PROM1: variants seen among roughly 807,000 people sequenced by gnomAD.
PROM1 encodes prominin 1.
A neutral mutation model predicts 116.9 loss-of-function variants in PROM1; 105 were observed. That is an observed-to-expected ratio of 0.90 (90% CI 0.77 to 1.06). The LOEUF (loss-of-function observed/expected upper bound fraction) is 1.06, where lower values mean the gene tolerates loss of function less well. Among genes scored for constraint, PROM1 ranks in the 50% least tolerant of loss-of-function variants. PROM1 has a pLI of 0.00. For missense variants in PROM1, 1,122 were observed against 1,045.2 expected (o/e 1.07, Z -1.01); for synonymous variants, 393 against 387.0 (o/e 1.02, Z -0.18).
At position 16,009,072 on chromosome 4, in the gene PROM1, A is replaced by C. The variant is rs773039992; in HGVS notation, c.1178T>G (p.Ile393Ser). 79 of 1,612,618 alleles carry C rather than the reference A, an allele frequency of 4.9e-5. 3 individuals are homozygous for C. In the South Asian group the frequency reaches 8.6e-4, roughly 17 times the overall value. ...KRVLNSIGSD[I>S]DNVTQRLPIQ... is the part of the protein sequence containing the mutation. ...AGGAAGACGCTGAGTTACATTGTCG[A>C]TATCTGAACCAATGGAATTCAAGAC... Residue 393 changes from isoleucine to serine, a missense_variant, in exon 12 of 28, where the codon ATC becomes AGC. Ile to Ser is a moderately radical substitution (Grantham distance 142). Transcript: ENST00000447510.
chr4:16,069,994 G>C (rs1742441750), intron 2 of PROM1, among the ~76,000 whole-genome samples: 2 of 152,190 alleles, frequency 1.3e-5, no homozygotes, highest in Non-Finnish European at 2.9e-5. Flanking sequence ...ATGCGATTGG[G>C]TAAGACTCAG....
At chr4:15,990,329 G>A (rs900386851) in intron 18 of PROM1, among the ~76,000 whole-genome samples, 7 of 152,168 alleles carry the variant, frequency 4.6e-5, no homozygotes, top group African/African-American at 1.2e-4. Flanking sequence ...CAGGTTCCTC[G>A]TCACCATGGC....
intron 2 of PROM1, among the ~76,000 whole-genome samples, chr4:16,042,620 TG>T (rs1343054669): frequency 1.3e-5 from 2 of 152,158 alleles, no homozygotes; most frequent in Non-Finnish European, 2.9e-5. Context: ...ATAAATACAG[TG>T]GAAGACAGAC....
In PROM1 at chr4:16,039,397, C is replaced by G. The variant is rs540406559; in HGVS notation, c.221-396G>C. Among the ~76,000 whole-genome samples, 309 of 152,284 alleles carry G rather than the reference C, an allele frequency of 2.0e-3. 2 individuals are homozygous for G. Among genetic ancestry groups the G allele is most frequent in the South Asian group, 4.1e-3 (20 of 4,820 alleles). On this transcript the variant is annotated intron_variant, in intron 2 of 27. Coordinates refer to ENST00000447510, the MANE Select transcript of PROM1 (RefSeq NM_006017.3). The stretch of plus-strand genomic sequence containing the variant: ...TTATTGTTCAATAATTCCACATTTG[C>G]CTGATATTAATATTTTACAAAGGAA...
chr4:15,971,929 C>T (rs1028317667), intron 26 of PROM1: 7 of 152,196 alleles, frequency 4.6e-5, no homozygotes, highest in Middle Eastern at 3.2e-3. Context: ...GAAACAAACT[C>T]TTTATCGAAA....
At position 15,985,841 on chromosome 4, in the gene PROM1, A is replaced by G. The variant is rs1358840738; in HGVS notation, c.2212-13T>C. The G allele has an allele frequency of 2.6e-6, 4 of 1,539,064 alleles. No individual in the cohort carries two copies. The highest frequency in any genetic ancestry group is 3.6e-6 in the Non-Finnish European group (4 of 1,117,182). ...ACTTCTTAGTTTCCTGGAAAGAAAC[A>G]AAAGATGAGTAGAAGCATTAAAATG... On this transcript the variant is annotated splice_polypyrimidine_tract_variant and intron_variant, in intron 21 of 27. Coordinates refer to ENST00000447510, the MANE Select transcript of PROM1 (RefSeq NM_006017.3).
chr4:16,078,908 T>C (rs915880660), intron 1 of PROM1, among the ~76,000 whole-genome samples: 1 of 152,150 alleles, frequency 6.6e-6, no homozygotes, highest in Non-Finnish European at 1.5e-5. Flanking sequence ...CCCCAAATTC[T>C]TCCTTTGTCA....
At position 15,971,044 on chromosome 4, in the gene PROM1, T is replaced by C. The variant is rs1372765307; in HGVS notation, c.*23A>G. 3.2e-6 allele frequency: 5 copies of C among 1,580,128 alleles called. No homozygotes were observed. Among genetic ancestry groups the C allele is most frequent in the Non-Finnish European group, 4.3e-6 (5 of 1,162,262 alleles). Reference sequence around the variant, plus strand: ...CTTCAATGAAAGCATCAAACTTACCTCAAGCAGTTTCAACATCAGCTATCA... The same window carrying C: ...CTTCAATGAAAGCATCAAACTTACCCCAAGCAGTTTCAACATCAGCTATCA... On this transcript the variant is annotated splice_region_variant and 3_prime_UTR_variant, in exon 27 of 28. Coordinates refer to ENST00000447510, the MANE Select transcript of PROM1 (RefSeq NM_006017.3).
chr4:16,033,354 G>A lies in PROM1; in HGVS notation c.459C>T (p.Phe153=). The change falls in exon 5 of 28, where the codon TTC becomes TTT. Residue 153 remains phenylalanine (F), a synonymous_variant. Coordinates refer to ENST00000447510, the MANE Select transcript of PROM1 (RefSeq NM_006017.3). ...MHQRQKENGP[F]LRKCFAISLL... is the part of the protein sequence containing the mutation. ...GGGAGATTGCAAAGCATTTCCTCAG[G>A]AAGGGCCCATTTTCCTTCTGTCGCT... 1 of 1,613,794 alleles carries A rather than the reference G, an allele frequency of 6.2e-7. No homozygotes were observed. Among genetic ancestry groups the A allele is most frequent in the Non-Finnish European group, 8.5e-7 (1 of 1,179,826 alleles).
Position 15,991,307 on chromosome 4 carries a change from G to GA in PROM1, c.1912-15dup. On this transcript the variant is annotated splice_polypyrimidine_tract_variant and intron_variant, in intron 17 of 27. Transcript: ENST00000447510. ...GGATTTACCAGTCTACAATAGAAGTGAAAAAAATTGTCTTATGGATATGGG... is the reference window on the plus strand; with the variant it reads ...GGATTTACCAGTCTACAATAGAAGTGAAAAAAAATTGTCTTATGGATATGGG... The GA allele has an allele frequency of 1.9e-6, 3 of 1,565,666 alleles. No homozygotes were observed. The highest frequency in any genetic ancestry group is 1.2e-5 in the South Asian group (1 of 82,578).
In PROM1 at chr4:15,992,239, G is replaced by A. The variant is rs376992367; in HGVS notation, c.1911+9C>T. The stretch of plus-strand genomic sequence containing the variant: ...CCTAAAGGATCAAGCATGAACACAT[G>A]CGCCATACCTGAGCCAAGTAGCTGT... On this transcript the variant is annotated intron_variant, in intron 17 of 27. Coordinates refer to ENST00000447510, the MANE Select transcript of PROM1 (RefSeq NM_006017.3). 8.1e-6 allele frequency: 13 copies of A among 1,613,272 alleles called. No homozygotes were observed. In the Admixed American group the frequency reaches 1.5e-4, roughly 19 times the overall value.
intron 6 of PROM1, 52 bp from the exon 7 acceptor site, chr4:16,024,410 A>G (rs1004618272): frequency 2.7e-5 from 39 of 1,448,394 alleles, no homozygotes; most frequent in Non-Finnish European, 3.6e-5. Context: ...CAAAGGCAAT[A>G]AGAGGGCAAA....
chr4:16,048,552 T>G (rs757561975), intron 2 of PROM1, among the ~76,000 whole-genome samples: 4 of 152,102 alleles, frequency 2.6e-5, no homozygotes, highest in Non-Finnish European at 4.4e-5. Flanking sequence ...TATAACAAAG[T>G]ACCCTGGAGA....
chr4:16,028,857 G>C (rs76464743), intron 5 of PROM1, among the ~76,000 whole-genome samples: 395 of 152,198 alleles, frequency 2.6e-3, no homozygotes, highest in Non-Finnish European at 4.1e-3. Flanking sequence ...CAGAAGATAG[G>C]AATTTTTATT....
intron 23 of PROM1, among the ~76,000 whole-genome samples, chr4:15,983,990 G>A (rs371098039): frequency 1.4e-4 from 21 of 152,252 alleles, no homozygotes; most frequent in African/African-American, 3.6e-4. Context: ...CTGCACACCC[G>A]TGACTGTCTT....
At chr4:16,077,570 C>T (rs1440053729) in intron 1 of PROM1, among the ~76,000 whole-genome samples, 1 of 151,968 alleles carries the variant, frequency 6.6e-6, no homozygotes, top group African/African-American at 2.4e-5. Context: ...TTTTCTTTTC[C>T]AAGTCTCTCG....
At chr4:16,046,696 T>G (rs184321160) in intron 2 of PROM1, among the ~76,000 whole-genome samples, 18 of 152,360 alleles carry the variant, frequency 1.2e-4, no homozygotes, top group Non-Finnish European at 2.2e-4. Flanking sequence ...GCCTCTCATC[T>G]GGTGCAAAGC....
chr4:16,021,642 T>A (rs1326257463), intron 8 of PROM1, among the ~76,000 whole-genome samples: 1 of 152,206 alleles, frequency 6.6e-6, no homozygotes, highest in Non-Finnish European at 1.5e-5. Context: ...TGGCATCATC[T>A]GGGGCCATGT....
chr4:16,026,609 T>G (rs1731366925), intron 5 of PROM1, among the ~76,000 whole-genome samples: 1 of 152,170 alleles, frequency 6.6e-6, no homozygotes, highest in Non-Finnish European at 1.5e-5. Context: ...AACATCCCAT[T>G]TTTTGTACCT....
Sources: allele counts gnomAD v4.1 joint callset (sites outside exome capture counted in the v4.1 genomes callset), GRCh38; gene constraint gnomAD v4.1.1; transcripts MANE v1.5; gene names NCBI Gene and HGNC (gene_info 2026-07-23, HGNC 2026-07-21).